The following NRXN3 variants were observed in gnomAD, a reference collection of about 807,000 sequenced individuals.
The protein encoded by NRXN3 is neurexin 3.
NRXN3 carries 32 observed loss-of-function variants against 137.6 expected under a neutral mutation model. The observed-to-expected ratio is 0.23, with a 90% CI of 0.18 to 0.31. The LOEUF (loss-of-function observed/expected upper bound fraction) is 0.31, where lower values mean the gene tolerates loss of function less well. Among genes scored for constraint, NRXN3 ranks in the 10% least tolerant of loss-of-function variants. The probability of loss-of-function intolerance (pLI) is 1.00; values close to 1 mark genes in which losing one functional copy is unlikely to be tolerated. For missense variants in NRXN3, 1,574 were observed against 2,062.5 expected (o/e 0.76, Z 4.59); for synonymous variants, 798 against 784.5 (o/e 1.02, Z -0.29).
chr14:78,627,803 T>G (rs1456097086), intron 4 of NRXN3, among the ~76,000 whole-genome samples: 1 of 152,226 alleles, frequency 6.6e-6, no homozygotes, highest in Admixed American at 6.5e-5. Flanking sequence ...TTTTCATAGA[T>G]AATATCTAGA....
At chr14:79,056,267 T>C (rs557734432) in intron 15 of NRXN3, among the ~76,000 whole-genome samples, 1 of 150,582 alleles carries the variant, frequency 6.6e-6, no homozygotes, top group African/African-American at 2.4e-5. Flanking sequence ...TTTCTGTTCA[T>C]TTACTGAGGG....
At chr14:79,230,808 G>A (rs1441680219) in intron 15 of NRXN3, among the ~76,000 whole-genome samples, 1 of 152,066 alleles carries the variant, frequency 6.6e-6, no homozygotes, top group East Asian at 1.9e-4. Flanking sequence ...TCTTAAAGGG[G>A]TCATGATGCT....
chr14:78,559,633 A>G (rs2096769412), intron 4 of NRXN3, among the ~76,000 whole-genome samples: 1 of 152,228 alleles, frequency 6.6e-6, no homozygotes, highest in Non-Finnish European at 1.5e-5. Flanking sequence ...AAAAATTTCT[A>G]AACTGTCTCT....
intron 4 of NRXN3, among the ~76,000 whole-genome samples, chr14:78,613,592 T>G (rs1308433205): frequency 1.3e-5 from 2 of 149,486 alleles, no homozygotes; most frequent in Non-Finnish European, 3.0e-5. Context: ...TTTTTTTTTT[T>G]TTTTTTTTTT....
intron 6 of NRXN3, among the ~76,000 whole-genome samples, chr14:78,702,600 A>G (rs1332843323): frequency 6.6e-6 from 1 of 151,748 alleles, no homozygotes; most frequent in Non-Finnish European, 1.5e-5. Flanking sequence ...ATACCGCACC[A>G]TACCTGCTAA....
chr14:78,197,938 G>A (rs2061370070), intron 1 of NRXN3, among the ~76,000 whole-genome samples: 2 of 152,156 alleles, frequency 1.3e-5, no homozygotes, highest in South Asian at 4.1e-4. Flanking sequence ...AAAGCAATAT[G>A]AAGCATGGCA....
At chr14:78,410,215 A>G (rs772590681) in intron 4 of NRXN3, among the ~76,000 whole-genome samples, 3 of 152,208 alleles carry the variant, frequency 2.0e-5, no homozygotes, top group Non-Finnish European at 4.4e-5. Flanking sequence ...AGAATAAATG[A>G]AAGTGGAGAA....
intron 6 of NRXN3, among the ~76,000 whole-genome samples, chr14:78,704,058 A>G (rs1670795167): frequency 6.6e-6 from 1 of 152,218 alleles, no homozygotes; most frequent in South Asian, 2.1e-4. Flanking sequence ...AAAGTTGAGA[A>G]CAGAGTGGCC....
At chr14:78,744,667 A>T (rs1278785021) in intron 8 of NRXN3, 3 of 152,216 alleles carry the variant, frequency 2.0e-5, no homozygotes, top group Non-Finnish European at 2.9e-5. Flanking sequence ...ATTTAATGAC[A>T]GCATCTCTCA....
At chr14:79,011,429 GA>G (rs759463585) in intron 15 of NRXN3, among the ~76,000 whole-genome samples, 2,995 of 41,356 alleles carry the variant, frequency 0.072, 203 homozygotes, top group African/African-American at 0.23. Context: ...GTTGGTCCAG[GA>G]AAAAAAAAAA....
intron 16 of NRXN3, among the ~76,000 whole-genome samples, chr14:79,618,930 A>G (rs77183720): frequency 0.1 from 15,256 of 151,834 alleles, 881 homozygotes; most frequent in Middle Eastern, 0.24. Flanking sequence ...ATCTCATTGC[A>G]GTTTTGGTTT....
intron 4 of NRXN3, among the ~76,000 whole-genome samples, chr14:78,633,267 A>AAAAAAAAAAG (rs1376443966): frequency 2.7e-5 from 4 of 150,084 alleles, no homozygotes; most frequent in African/African-American, 1.0e-4. Context: ...AAAAAAAAAA[A>AAAAAAAAAAG]AGAGACTGGT....
At chr14:78,604,952 A>T (rs1339058647) in intron 4 of NRXN3, among the ~76,000 whole-genome samples, 1 of 152,198 alleles carries the variant, frequency 6.6e-6, no homozygotes, top group Non-Finnish European at 1.5e-5. Context: ...TTCTCAAGAC[A>T]GTCTCAAAGG....
intron 4 of NRXN3, among the ~76,000 whole-genome samples, chr14:78,620,498 A>G (rs1185861238): frequency 3.3e-5 from 5 of 152,184 alleles, no homozygotes; most frequent in African/African-American, 1.2e-4. Context: ...GTTGGTGGCT[A>G]CGACCACATA....
intron 10 of NRXN3, among the ~76,000 whole-genome samples, chr14:78,868,799 C>CA: frequency 6.7e-6 from 1 of 149,882 alleles, no homozygotes; most frequent in African/African-American, 2.4e-5. Context: ...CCAGCCAGGG[C>CA]AAAAAAAGCG....
At chr14:78,998,179 C>T (rs1165883065) in intron 15 of NRXN3, among the ~76,000 whole-genome samples, 2 of 152,110 alleles carry the variant, frequency 1.3e-5, no homozygotes, top group Non-Finnish European at 2.9e-5. Flanking sequence ...GTCATTTTCC[C>T]GGTTATATCA....
chr14:79,624,012 T>A (rs1406178362), intron 16 of NRXN3, among the ~76,000 whole-genome samples: 3 of 152,274 alleles, frequency 2.0e-5, no homozygotes, highest in Middle Eastern at 3.4e-3. Context: ...TACAGATGAT[T>A]TCACCTAGAA....
chr14:78,312,373 A>G (rs2153544704), intron 4 of NRXN3, among the ~76,000 whole-genome samples: 1 of 152,238 alleles, frequency 6.6e-6, no homozygotes, highest in South Asian at 2.1e-4. Context: ...TGACTTTTAA[A>G]AAGCTTTTAT....
rs148151457 is a variant in NRXN3 at position 79,559,001 on chromosome 14, C to T, written c.3444+91599C>T. On this transcript the variant is annotated intron_variant, in intron 16 of 20. Coordinates refer to ENST00000335750, the MANE Select transcript of NRXN3 (RefSeq NM_001330195.2). The stretch of plus-strand genomic sequence containing the variant: ...CTAAGCTTCCTACTTTTTTTTCCTA[C>T]AGCTTCCTCACTCTTCTTAGCCTTC... Among the ~76,000 whole-genome samples, 580 of 152,176 alleles carry T rather than the reference C, an allele frequency of 3.8e-3. 2 individuals are homozygous for T. Among genetic ancestry groups the T allele is most frequent in the Non-Finnish European group, 6.3e-3 (427 of 67,992 alleles).
Sources: allele counts gnomAD v4.1 joint callset (sites outside exome capture counted in the v4.1 genomes callset), GRCh38; gene constraint gnomAD v4.1.1; transcripts MANE v1.5; gene names NCBI Gene and HGNC (gene_info 2026-07-23, HGNC 2026-07-21).